ARHGEF28: variants seen among roughly 807,000 people sequenced by gnomAD.
The protein encoded by ARHGEF28 is 190 kDa guanine nucleotide exchange factor.
In ARHGEF28, 152 loss-of-function variants were observed where a neutral mutation model predicts 206.6. The observed-to-expected ratio is 0.74, with a 90% CI of 0.64 to 0.84. ARHGEF28 has a LOEUF of 0.84. ARHGEF28 is among the 40% of genes least tolerant of loss of function. The probability of loss-of-function intolerance (pLI) is 0.00; values close to 1 mark genes in which losing one functional copy is unlikely to be tolerated. For synonymous variants in ARHGEF28, 763 were observed against 776.4 expected (o/e 0.98, Z 0.29); for missense variants, 2,028 against 2,073.2 (o/e 0.98, Z 0.42).
intron 30 of ARHGEF28, chr5:73,899,472 A>G (rs1762142719): frequency 1.3e-5 from 2 of 152,278 alleles, no homozygotes; most frequent in African/African-American, 4.8e-5. Flanking sequence ...AGAACCATTG[A>G]GAGGCTCTTT....
At chr5:73,775,984 A>G (rs919469203) in intron 5 of ARHGEF28, among the ~76,000 whole-genome samples, 2 of 152,188 alleles carry the variant, frequency 1.3e-5, no homozygotes, top group Admixed American at 6.5e-5. Flanking sequence ...CAGAAATACA[A>G]CATGATCAAA....
chr5:73,783,840 C>T (rs114673108), intron 7 of ARHGEF28, among the ~76,000 whole-genome samples: 7,990 of 152,144 alleles, frequency 0.053, 309 homozygotes, highest in African/African-American at 0.11. Flanking sequence ...AGTTAATATA[C>T]GTGGCTGCCA....
At chr5:73,767,192 C>G (rs1313287315) in intron 4 of ARHGEF28, among the ~76,000 whole-genome samples, 2 of 152,144 alleles carry the variant, frequency 1.3e-5, no homozygotes, top group African/African-American at 4.8e-5. Context: ...TTGTAAATTG[C>G]CCAGTCTCAG....
At chr5:73,814,018 A>G (rs1756022940) in intron 9 of ARHGEF28, among the ~76,000 whole-genome samples, 1 of 152,272 alleles carries the variant, frequency 6.6e-6, no homozygotes, top group African/African-American at 2.4e-5. Flanking sequence ...CTGTTGATTT[A>G]AACATGTTCA....
chr5:73,637,188 G>A (rs755854613), intron 1 of ARHGEF28, among the ~76,000 whole-genome samples: 2 of 152,040 alleles, frequency 1.3e-5, no homozygotes, highest in Non-Finnish European at 2.9e-5. Context: ...AGTGAGGCTG[G>A]GTGGAGAATA....
intron 35 of ARHGEF28, among the ~76,000 whole-genome samples, chr5:73,931,689 T>C (rs890385466): frequency 6.6e-6 from 1 of 152,246 alleles, no homozygotes; most frequent in Non-Finnish European, 1.5e-5. Context: ...GTTTTGTGGC[T>C]GAAATGTCTC....
intron 23 of ARHGEF28, among the ~76,000 whole-genome samples, chr5:73,883,484 C>T (rs1419283257): frequency 6.6e-6 from 1 of 152,122 alleles, no homozygotes; most frequent in Admixed American, 6.5e-5. Flanking sequence ...AAAAATTTTG[C>T]TATTCATAAA....
chr5:73,851,176 G>T (rs1430781993), intron 13 of ARHGEF28, among the ~76,000 whole-genome samples: 2 of 152,302 alleles, frequency 1.3e-5, no homozygotes, highest in Admixed American at 6.5e-5. Flanking sequence ...GTAAATTGAG[G>T]TTTGTGTTGC....
chr5:73,672,073 G>A (rs1746383993), intron 1 of ARHGEF28, among the ~76,000 whole-genome samples: 1 of 151,978 alleles, frequency 6.6e-6, no homozygotes, highest in Admixed American at 6.6e-5. Context: ...AGCACATGTA[G>A]GAAAAGCTAG....
intron 2 of ARHGEF28, among the ~76,000 whole-genome samples, chr5:73,731,784 G>A (rs1750637639): frequency 6.6e-6 from 1 of 152,080 alleles, no homozygotes; most frequent in African/African-American, 2.4e-5. Flanking sequence ...GTTAGAAATG[G>A]CATTTAAAAT....
rs190429636 is a variant in ARHGEF28, at chr5:73,867,932, G to A, written c.2209G>A (p.Val737Met). Residue 737 changes from valine to methionine, a missense_variant, in exon 19 of 36, where the codon GTG becomes ATG. Transcript: ENST00000513042. Reference protein sequence around the residue: ...PGLSLHPSSSVPVGLPTGRRE... With the variant: ...PGLSLHPSSSMPVGLPTGRRE... ...TCTCTCCTTGCACCCTTCTTCCTCC[G>A]TGCCTGTTGGATTGCCGACTGGAAG... 1.3e-4 allele frequency: 215 copies of A among 1,613,900 alleles called. 1 individual carries two copies. The highest frequency in any genetic ancestry group is 5.8e-4 in the South Asian group (53 of 91,084).
At chr5:73,822,056 A>G (rs112135511) in intron 9 of ARHGEF28, among the ~76,000 whole-genome samples, 7 of 152,208 alleles carry the variant, frequency 4.6e-5, no homozygotes, top group Non-Finnish European at 7.3e-5. Flanking sequence ...TTCTTCTTCA[A>G]TAATGTTGAT....
rs556995475 is a variant in ARHGEF28, at chr5:73,863,523, C to T, written c.2048-1294C>T. On this transcript the variant is annotated intron_variant, in intron 16 of 35. Coordinates refer to ENST00000513042, the MANE Select transcript of ARHGEF28 (RefSeq NM_001177693.2). Reference sequence around the variant, plus strand: ...TCTCATTGTCTCTTTTCCTTCCTTGCGGTCCTTGCCTGTCTCATGAAGCTC... The same window carrying T: ...TCTCATTGTCTCTTTTCCTTCCTTGTGGTCCTTGCCTGTCTCATGAAGCTC... 7.2e-5 allele frequency among the ~76,000 whole-genome samples: 11 copies of T among 152,082 alleles called. No individual in the cohort carries two copies. In the East Asian group the frequency reaches 9.7e-4, roughly 13 times the overall value.
In ARHGEF28 at chr5:73,780,702, G is replaced by T. The variant is rs1235092253; in HGVS notation, c.867G>T (p.Glu289Asp). 6 of 1,557,940 alleles carry T rather than the reference G, an allele frequency of 3.9e-6. No individual in the cohort carries two copies. The highest frequency in any genetic ancestry group is 5.2e-6 in the Non-Finnish European group (6 of 1,150,656). Residue 289 changes from glutamate (E) to aspartate (D), a missense_variant, in exon 7 of 36, where the codon GAG (glutamate) becomes GAT (aspartate). By Grantham distance (45) the Glu-to-Asp change is conservative (BLOSUM62 2). This residue lies in a region of ARHGEF28 where 1,002 missense variants were observed against 1,015.3 expected (regional missense o/e 0.99). Coordinates refer to ENST00000513042, the MANE Select transcript of ARHGEF28 (RefSeq NM_001177693.2). ...VKAFEPEARP[E>D]ERTAMPSSGA... ...CCTTTGAGCCAGAAGCCAGGCCAGA[G>T]GAAAGAACAGCTATGCCCTCCAGCG...
intron 20 of ARHGEF28, among the ~76,000 whole-genome samples, chr5:73,869,353 T>C (rs1759931288): frequency 6.6e-6 from 1 of 152,076 alleles, no homozygotes; most frequent in South Asian, 2.1e-4. Flanking sequence ...GCAAATCAAA[T>C]GGATGAGTAC....
intron 1 of ARHGEF28, among the ~76,000 whole-genome samples, chr5:73,646,137 C>A (rs911679376): frequency 6.6e-6 from 1 of 152,142 alleles, no homozygotes; most frequent in Non-Finnish European, 1.5e-5. Context: ...GCCAGATACC[C>A]AAAAGTCTGT....
chr5:73,836,303 C>CTTTTTTTTTTTTTTTTTTTCTT (rs58880911), intron 10 of ARHGEF28, among the ~76,000 whole-genome samples: 1 of 126,316 alleles, frequency 7.9e-6, no homozygotes. Flanking sequence ...TCCTTGTCAG[C>CTTTTTTTTTTTTTTTTTTTCTT]TTTTTTTTTT....
At chr5:73,804,602 G>C (rs1274227462) in intron 9 of ARHGEF28, among the ~76,000 whole-genome samples, 1 of 152,030 alleles carries the variant, frequency 6.6e-6, no homozygotes, top group Non-Finnish European at 1.5e-5. Flanking sequence ...CTTTTTACCT[G>C]ATTTCCGTTT....
intron 9 of ARHGEF28, among the ~76,000 whole-genome samples, chr5:73,820,475 G>A (rs920678915): frequency 6.6e-6 from 1 of 152,058 alleles, no homozygotes; most frequent in Non-Finnish European, 1.5e-5. Context: ...TGGCTTGACT[G>A]GCCTAGGCTC....
Sources: gnomAD v4.1 joint callset for allele counts (sites outside exome capture counted in the v4.1 genomes callset) on GRCh38, gnomAD v4.1.1 for gene constraint, gnomAD v4.1.1 regional missense constraint, MANE v1.5 for transcripts, NCBI Gene and HGNC (gene_info 2026-07-23, HGNC 2026-07-21) for gene names.